The following KLHL29 variants were observed in gnomAD, a reference collection of about 807,000 sequenced individuals.
KLHL29 encodes the protein kelch like family member 29, also known as kelch-like protein 29.
A neutral mutation model predicts 80.4 loss-of-function variants in KLHL29; 21 were observed. The ratio of observed to expected loss-of-function variants is 0.26; its 90% CI spans 0.19 to 0.38. KLHL29 has a LOEUF of 0.38. KLHL29 is among the 10% of genes least tolerant of loss of function. The pLI, the probability that KLHL29 is intolerant of heterozygous loss-of-function variation, is 1.00. For synonymous variants in KLHL29, 511 were observed against 526.8 expected, an observed-to-expected ratio of 0.97 and a Z score of 0.41; for missense variants, 867 against 1,223.9, an observed-to-expected ratio of 0.71 and a Z score of 4.35.
rs1667471111 is a variant in KLHL29 at position 23,562,346 on chromosome 2, G to T, written c.150G>T (p.Arg50=). The change falls in exon 3 of 14, where the codon CGG becomes CGT. Residue 50 remains arginine, a synonymous_variant. Transcript: ENST00000486442. The surrounding 1 kb of genome is among the most constrained non-coding windows in gnomAD (Gnocchi z 4.5). ...GGGTASSLSV[R]PGLLPLPVVP... ...GCACAGCCAGCAGCCTCAGCGTCCG[G>T]CCCGGCCTCCTGCCGCTGCCCGTGG... The T allele has an allele frequency of 2.6e-6, 4 of 1,543,932 alleles. No individual in the cohort carries two copies. The South Asian group carries it at 4.8e-5, about 18-fold the overall frequency.
chr2:23,694,789 C>T (rs1159219358), intron 8 of KLHL29, among the ~76,000 whole-genome samples: 1 of 152,170 alleles, frequency 6.6e-6, no homozygotes, highest in Non-Finnish European at 1.5e-5. Flanking sequence ...TTTTGTATAC[C>T]CCATCCAGAT....
chr2:23,613,763 CAAAAAAAAAAAAAAA>C (rs1157736706), intron 3 of KLHL29, among the ~76,000 whole-genome samples: 1 of 63,726 alleles, frequency 1.6e-5, no homozygotes, highest in African/African-American at 8.9e-5. Context: ...GACTCCATCT[CAAAAAAAAAAAAAAA>C]AAAAAAAAAA....
intron 3 of KLHL29, among the ~76,000 whole-genome samples, chr2:23,613,806 T>TCACCAGGA: frequency 7.6e-6 from 1 of 132,188 alleles, no homozygotes; most frequent in Non-Finnish European, 1.6e-5. Context: ...CACTCTCAGC[T>TCACCAGGA]CACCAGGAAG....
intron 3 of KLHL29, among the ~76,000 whole-genome samples, chr2:23,637,905 C>T (rs2247662): frequency 0.36 from 53,877 of 151,744 alleles, 10,307 homozygotes; most frequent in East Asian, 0.56. Flanking sequence ...GGCAGGCATC[C>T]GTATCCACCC....
At chr2:23,533,519 G>T (rs1373438953) in intron 2 of KLHL29, among the ~76,000 whole-genome samples, 1 of 152,154 alleles carries the variant, frequency 6.6e-6, no homozygotes, top group African/African-American at 2.4e-5. Context: ...GCCCTGGGTC[G>T]TAGATGCAGC....
At chr2:23,565,549 C>A (rs1667569564) in intron 3 of KLHL29, among the ~76,000 whole-genome samples, 1 of 152,138 alleles carries the variant, frequency 6.6e-6, no homozygotes, top group Admixed American at 6.5e-5. Flanking sequence ...GGCTCCAGAC[C>A]GAGACTGGTA....
intron 5 of KLHL29, among the ~76,000 whole-genome samples, chr2:23,677,975 A>G (rs186651120): frequency 2.0e-5 from 3 of 152,282 alleles, no homozygotes; most frequent in Admixed American, 2.0e-4. Context: ...AACCTTTCTC[A>G]AGGCTCTGAT....
intron 3 of KLHL29, among the ~76,000 whole-genome samples, chr2:23,607,516 G>A (rs1281497567): frequency 6.6e-6 from 1 of 152,190 alleles, no homozygotes; most frequent in East Asian, 1.9e-4. Flanking sequence ...CTGAAATCCA[G>A]TCATACCCTA....
At chr2:23,452,453 C>T (rs1168550121) in intron 1 of KLHL29, among the ~76,000 whole-genome samples, 1 of 152,112 alleles carries the variant, frequency 6.6e-6, no homozygotes, top group African/African-American at 2.4e-5. Flanking sequence ...TTGGGGATCT[C>T]ATTTCAACAT....
rs530937810 is a variant in KLHL29 at position 23,672,751 on chromosome 2, C to T, written c.941-11648C>T. The T allele has an allele frequency of 2.2e-4, 33 of 152,720 alleles. 1 individual carries two copies. The highest frequency in any genetic ancestry group is 4.4e-4 in the Non-Finnish European group (30 of 68,346). The allele number at this position is 152,720 out of a possible 1,614,324, so 9.5% of individuals were successfully genotyped here. A position where few individuals can be genotyped will look rare whatever the true frequency, so the allele number is the denominator to read the frequency against. The stretch of plus-strand genomic sequence containing the variant: ...CTCACCCCAGCTCCAGGTGTCGGCC[C>T]GGTGTCCTGTGCCTTGTGGGCACCT... On this transcript the variant is annotated intron_variant, in intron 5 of 13. Transcript: ENST00000486442.
intron 3 of KLHL29, among the ~76,000 whole-genome samples, chr2:23,568,181 G>A (rs988796977): frequency 7.9e-5 from 12 of 152,110 alleles, no homozygotes; most frequent in East Asian, 1.9e-4. Context: ...TGTAAGAGAC[G>A]AGCCTTAGTC....
At chr2:23,517,283 G>T (rs184384320) in intron 2 of KLHL29, among the ~76,000 whole-genome samples, 1 of 152,214 alleles carries the variant, frequency 6.6e-6, no homozygotes, top group Non-Finnish European at 1.5e-5. Context: ...GGTGGCTCAC[G>T]CCTGTAATCC....
intron 1 of KLHL29, among the ~76,000 whole-genome samples, chr2:23,393,551 G>GA (rs1666374687): frequency 6.6e-6 from 1 of 152,100 alleles, no homozygotes; most frequent in African/African-American, 2.4e-5. Context: ...TCGTTTTAAG[G>GA]AAAAAATGAA....
At chr2:23,406,116 G>A (rs1666720694) in intron 1 of KLHL29, among the ~76,000 whole-genome samples, 1 of 152,074 alleles carries the variant, frequency 6.6e-6, no homozygotes, top group Non-Finnish European at 1.5e-5. Flanking sequence ...ATCATTTGAG[G>A]TCAGAAGTTC....
chr2:23,439,286 AG>A (rs1210041151), intron 1 of KLHL29, among the ~76,000 whole-genome samples: 1 of 152,050 alleles, frequency 6.6e-6, no homozygotes, highest in African/African-American at 2.4e-5. Flanking sequence ...AATTTTTTGA[AG>A]GGTTTTTTTT....
Position 23,642,758 on chromosome 2 carries a change from G to A in KLHL29, c.848G>A (p.Gly283Glu), listed in dbSNP as rs1669807154. 1 of 1,550,302 alleles carries A rather than the reference G, an allele frequency of 6.5e-7. No homozygotes were observed. Among genetic ancestry groups the A allele is most frequent in the Non-Finnish European group, 8.7e-7 (1 of 1,146,814 alleles). ...CCCAGTGGTGCCCCTGCCACCAATG[G>A]GCCCCCCACAACCGACTCGGCCCAC... Reference protein sequence around the residue: ...TLPSGAPATNGPPTTDSAHGL... With the variant: ...TLPSGAPATNEPPTTDSAHGL... The change falls in exon 5 of 14, where the codon GGG (glycine) becomes GAG (glutamate). Residue 283 changes from glycine to glutamate, a missense_variant. Physicochemically the swap from Gly to Glu is moderately conservative, Grantham distance 98. Coordinates refer to ENST00000486442, the MANE Select transcript of KLHL29 (RefSeq NM_052920.2).
At position 23,696,212 on chromosome 2, in the gene KLHL29, G is replaced by A; in HGVS notation, c.1924+79G>A. 6.7e-7 allele frequency: 1 copy of A among 1,495,984 alleles called. No individual in the cohort carries two copies. The highest frequency in any genetic ancestry group is 9.0e-7 in the Non-Finnish European group (1 of 1,106,876). The allele number at this position is 1,495,984 out of a possible 1,614,324, so 92.7% of individuals were successfully genotyped here. A position where few individuals can be genotyped will look rare whatever the true frequency, so the allele number is the denominator to read the frequency against. On this transcript the variant is annotated intron_variant, in intron 10 of 13. Coordinates refer to ENST00000486442, the MANE Select transcript of KLHL29 (RefSeq NM_052920.2). The surrounding 1 kb of genome is among the most constrained non-coding windows in gnomAD (Gnocchi z 5.5). Reference sequence around the variant, plus strand: ...GCTCCCCACGTCAGGGCTGAGGAAGGCCATGGCCCAGAAGTGTCTACTTTG... The same window carrying A: ...GCTCCCCACGTCAGGGCTGAGGAAGACCATGGCCCAGAAGTGTCTACTTTG...
chr2:23,533,297 G>C (rs988630393), intron 2 of KLHL29, among the ~76,000 whole-genome samples: 2 of 152,106 alleles, frequency 1.3e-5, no homozygotes, highest in African/African-American at 4.8e-5. Flanking sequence ...GGTTTGATGC[G>C]GACTCTTGCA....
At chr2:23,698,152 C>G (rs1672096388) in intron 11 of KLHL29, among the ~76,000 whole-genome samples, 1 of 152,222 alleles carries the variant, frequency 6.6e-6, no homozygotes, top group Non-Finnish European at 1.5e-5. Context: ...GGGCAAGGCC[C>G]TCCTTCTGGC....
Sources: gnomAD v4.1 joint callset for allele counts (sites outside exome capture counted in the v4.1 genomes callset) on GRCh38, gnomAD v4.1.1 for gene constraint, Gnocchi (gnomAD v3.1) non-coding constraint, MANE v1.5 for transcripts, NCBI Gene and HGNC (gene_info 2026-07-23, HGNC 2026-07-21) for gene names.